RPN2: variants seen among roughly 807,000 people sequenced by gnomAD.
The protein encoded by RPN2 is dolichyl-diphosphooligosaccharide--protein glycosyltransferase subunit 2.
A neutral mutation model predicts 71.4 loss-of-function variants in RPN2; 29 were observed. The observed-to-expected ratio is 0.41, with a 90% CI of 0.30 to 0.55. RPN2 has a LOEUF of 0.55. Ranked by LOEUF, RPN2 falls within the 20% of genes least tolerant of loss-of-function variation. The pLI is 0.35. For synonymous variants in RPN2, 308 were observed against 305.0 expected, an observed-to-expected ratio of 1.01 and a Z score of -0.10; for missense variants, 726 against 774.1, an observed-to-expected ratio of 0.94 and a Z score of 0.74.
chr20:37,182,179 C>T (rs946371022), intron 1 of RPN2, among the ~76,000 whole-genome samples: 3 of 151,822 alleles, frequency 2.0e-5, no homozygotes, highest in East Asian at 1.9e-4. Context: ...CTGCAACTTC[C>T]GCCTCCTGGG....
intron 16 of RPN2, chr20:37,238,598 A>C: frequency 2.7e-6 from 2 of 733,044 alleles, no homozygotes; most frequent in South Asian, 1.5e-5. Context: ...CTGCTTTTCA[A>C]CTTGCTAGAT....
At chr20:37,200,439 C>A (rs757565129) in intron 4 of RPN2, 2 of 531,872 alleles carry the variant, frequency 3.8e-6, no homozygotes, top group South Asian at 2.8e-5. Context: ...TCACTGCAAA[C>A]CCTGAAGGAG....
intron 6 of RPN2, among the ~76,000 whole-genome samples, chr20:37,206,445 CA>C (rs2067510956): frequency 6.6e-6 from 1 of 152,154 alleles, no homozygotes; most frequent in Non-Finnish European, 1.5e-5. Context: ...AACAGTCCTA[CA>C]TTTGAATGTT....
chr20:37,196,217 G>A (rs2067253584), intron 2 of RPN2, among the ~76,000 whole-genome samples: 1 of 150,744 alleles, frequency 6.6e-6, no homozygotes, highest in African/African-American at 2.4e-5. Context: ...GCGCCACCGT[G>A]CCTAGTCTCC....
chr20:37,230,983 A>G (rs2068228547), intron 13 of RPN2, among the ~76,000 whole-genome samples: 1 of 151,874 alleles, frequency 6.6e-6, no homozygotes, highest in Non-Finnish European at 1.5e-5. Flanking sequence ...GGGCTGTGTC[A>G]TCATGGAGCT....
chr20:37,181,084 C>G (rs1386597725), intron 1 of RPN2, among the ~76,000 whole-genome samples: 1 of 152,094 alleles, frequency 6.6e-6, no homozygotes, highest in African/African-American at 2.4e-5. Flanking sequence ...CAAAAATTAG[C>G]TGGGCATGGT....
At chr20:37,211,815 G>T (rs1403110506) in intron 8 of RPN2, among the ~76,000 whole-genome samples, 2 of 151,376 alleles carry the variant, frequency 1.3e-5, no homozygotes, top group African/African-American at 2.4e-5. Context: ...TCTGCTCATT[G>T]CAATCTCCAC....
rs963373177 is a variant in RPN2, at chr20:37,194,022, C to G, written c.208-4375C>G. On this transcript the variant is annotated intron_variant, in intron 2 of 16. Transcript: ENST00000237530. ...AGACCCAGCAGGGTGCGGTGGCATC[C>G]CAGAAGGCTACGGGCGCGCATGTTT... Among the ~76,000 whole-genome samples, 4 of 152,192 alleles carry G rather than the reference C, an allele frequency of 2.6e-5. 1 individual carries two copies. The highest frequency in any genetic ancestry group is 9.6e-5 in the African/African-American group (4 of 41,528).
chr20:37,228,613 A>C lies in RPN2; in HGVS notation c.1363A>C (p.Asn455His), dbSNP rs754734597. The C allele has an allele frequency of 1.9e-6, 3 of 1,614,258 alleles. No homozygotes were observed. Among genetic ancestry groups the C allele is most frequent in the African/African-American group, 1.3e-5 (1 of 75,078 alleles). Residue 455 changes from asparagine to histidine, a missense_variant, in exon 12 of 17, where the codon AAC (asparagine) becomes CAC (histidine). Coordinates refer to ENST00000237530, the MANE Select transcript of RPN2 (RefSeq NM_002951.5). ...AGTGGTGTTTGTTGCCGAGCCAGAC[A>C]ACAAGAACGTGTACAAGTTTGAACT... ...QEVVFVAEPDNKNVYKFELDT... is the reference protein window; with the variant it reads ...QEVVFVAEPDHKNVYKFELDT...
At chr20:37,210,248 A>G (rs1410642039) in intron 8 of RPN2, 83 bp downstream of exon 8, 1 of 1,600,426 alleles carries the variant, frequency 6.2e-7, no homozygotes, top group Admixed American at 1.7e-5. Flanking sequence ...AGATTAATAC[A>G]TTCCAGTTAG....
Position 37,179,333 on chromosome 20 carries a change from C to T in RPN2, c.-24C>T. 6.8e-7 allele frequency: 1 copy of T among 1,480,288 alleles called. No individual in the cohort carries two copies. The highest frequency in any genetic ancestry group is 2.1e-4 in the Middle Eastern group (1 of 4,676). 91.7% of individuals were successfully genotyped at this position (1,480,288 alleles called of 1,614,324 possible). A position where few individuals can be genotyped will look rare whatever the true frequency, so the allele number is the denominator to read the frequency against. On this transcript the variant is annotated 5_prime_UTR_variant, in exon 1 of 17. Coordinates refer to ENST00000237530, the MANE Select transcript of RPN2 (RefSeq NM_002951.5). ...AGCGGAAGTCAGCCCGCGGCTCGGA[C>T]TCCGGCGGGACCTGCTCGGAGGAAT...
At chr20:37,191,272 T>A (rs759143581) in intron 2 of RPN2, among the ~76,000 whole-genome samples, 1 of 151,938 alleles carries the variant, frequency 6.6e-6, no homozygotes, top group Non-Finnish European at 1.5e-5. Flanking sequence ...AGGTCAGGAG[T>A]TCGAGACCAG....
intron 3 of RPN2, among the ~76,000 whole-genome samples, chr20:37,198,772 T>TG (rs1415477301): frequency 6.6e-6 from 1 of 152,166 alleles, no homozygotes; most frequent in Non-Finnish European, 1.5e-5. Context: ...CACGTAAAAA[T>TG]GTTCAAAGTG....
chr20:37,213,527 C>G (rs1420185154), intron 8 of RPN2, among the ~76,000 whole-genome samples: 1 of 151,982 alleles, frequency 6.6e-6, no homozygotes, highest in Non-Finnish European at 1.5e-5. Context: ...AGTTTTGAGA[C>G]TGTGGTGAGC....
In RPN2 at chr20:37,199,254, G is replaced by C. The variant is rs376893781; in HGVS notation, c.479+29G>C. ...AGTTGTCATCTCGAGCATTTCTCAG[G>C]CTTCATTTGTCTCGGGTCCTATCCG... On this transcript the variant is annotated intron_variant, in intron 4 of 16. Coordinates refer to ENST00000237530, the MANE Select transcript of RPN2 (RefSeq NM_002951.5). The C allele has an allele frequency of 4.3e-6, 7 of 1,610,804 alleles. No individual in the cohort carries two copies. The African/African-American group carries it at 6.7e-5, about 15-fold the overall frequency.
chr20:37,226,406 C>T (rs561579536), intron 11 of RPN2, among the ~76,000 whole-genome samples: 2 of 152,238 alleles, frequency 1.3e-5, no homozygotes, highest in African/African-American at 4.8e-5. Flanking sequence ...AATGTGCTGG[C>T]CAGGCATGGT....
chr20:37,228,935 G>A (rs1007631890), intron 12 of RPN2, among the ~76,000 whole-genome samples, 191 bp downstream of exon 12: 1 of 150,870 alleles, frequency 6.6e-6, no homozygotes, highest in African/African-American at 2.5e-5. Flanking sequence ...TGGCAACATG[G>A]TACGTGCTTA....
chr20:37,208,804 G>A (rs2067582989), intron 7 of RPN2, among the ~76,000 whole-genome samples: 1 of 152,188 alleles, frequency 6.6e-6, no homozygotes, highest in African/African-American at 2.4e-5. Context: ...TGAGAAATTA[G>A]CATTTTATTA....
chr20:37,241,373 A>T lies in RPN2; in HGVS notation c.*58A>T. The T allele has an allele frequency of 7.6e-6, 12 of 1,586,010 alleles. No homozygotes were observed. The highest frequency in any genetic ancestry group is 1.0e-5 in the Non-Finnish European group (12 of 1,157,478). ...AATGTCAAGAAAAGGAGTCAAGAAC[A>T]ATTCACAGTATGAGAAGAAAAATGG... On this transcript the variant is annotated 3_prime_UTR_variant, in exon 17 of 17. Transcript: ENST00000237530.
Sources: gnomAD v4.1 joint callset for allele counts (sites outside exome capture counted in the v4.1 genomes callset) on GRCh38, gnomAD v4.1.1 for gene constraint, MANE v1.5 for transcripts, NCBI Gene and HGNC (gene_info 2026-07-23, HGNC 2026-07-21) for gene names.